GPAM: variants seen among roughly 807,000 people sequenced by gnomAD.
GPAM encodes the protein glycerol-3-phosphate acyltransferase, mitochondrial.
GPAM carries 56 observed loss-of-function variants against 105.0 expected under a neutral mutation model. The observed-to-expected ratio is 0.53, with a 90% confidence interval of 0.43 to 0.67. GPAM has a LOEUF of 0.67. Among genes scored for constraint, GPAM ranks in the 30% least tolerant of loss-of-function variants. The pLI is 0.00. For synonymous variants in GPAM, 368 were observed against 354.4 expected, an observed-to-expected ratio of 1.04 and a Z score of -0.43; for missense variants, 855 against 989.8, an observed-to-expected ratio of 0.86 and a Z score of 1.83.
At chr10:112,191,550 A>AT (rs1847658865) in intron 1 of GPAM, among the ~76,000 whole-genome samples, 1 of 152,128 alleles carries the variant, frequency 6.6e-6, no homozygotes, top group African/African-American at 2.4e-5. Flanking sequence ...AATAAAAGGT[A>AT]TTTTTCCTTT....
At chr10:112,166,361 G>C (rs1168069522) in intron 12 of GPAM, 41 bp downstream of exon 12, 3 of 1,070,350 alleles carry the variant, frequency 2.8e-6, no homozygotes, top group Admixed American at 1.7e-5. Flanking sequence ...CCTGACTCCA[G>C]GTAGATGCTT....
chr10:112,208,788 A>G (rs894283008), intron 1 of GPAM, among the ~76,000 whole-genome samples: 2 of 152,242 alleles, frequency 1.3e-5, no homozygotes, highest in African/African-American at 4.8e-5. Context: ...TAACCCCATC[A>G]TTTGATAAAA....
chr10:112,162,699 T>C (rs898381485), intron 14 of GPAM, among the ~76,000 whole-genome samples: 1 of 152,114 alleles, frequency 6.6e-6, no homozygotes, highest in Admixed American at 6.5e-5. Flanking sequence ...AATATGAATA[T>C]TGTGTTATAA....
intron 1 of GPAM, among the ~76,000 whole-genome samples, chr10:112,207,773 C>G (rs377247897): frequency 6.6e-6 from 1 of 152,176 alleles, no homozygotes; most frequent in Non-Finnish European, 1.5e-5. Flanking sequence ...ACCAATATCA[C>G]GCTCAAGATA....
chr10:112,150,697 T>A lies in GPAM; in HGVS notation c.*2853A>T. ...GGTTAGACAGTTTTTCACTACCGGA[T>A]GCCAAGCCCTTACTGCGCTAAAGTG... is the stretch of plus-strand genomic sequence containing the variant. On this transcript the variant is annotated 3_prime_UTR_variant, in exon 22 of 22. Transcript: ENST00000348367. 11 of 950,146 alleles carry A rather than the reference T, an allele frequency of 1.2e-5. No homozygotes were observed. The highest frequency in any genetic ancestry group is 1.4e-5 in the Non-Finnish European group (11 of 797,822). 58.9% of individuals were successfully genotyped at this position (950,146 alleles called of 1,614,324 possible). A position where few individuals can be genotyped will look rare whatever the true frequency, so the allele number is the denominator to read the frequency against.
At chr10:112,187,421 TATC>T (rs1446809672), upstream of GPAM, among the ~76,000 whole-genome samples, 3 of 152,182 alleles carry the variant, frequency 2.0e-5, no homozygotes, top group Admixed American at 6.5e-5. Flanking sequence ...GGTATATTAA[TATC>T]ATATAATTTC....
intron 9 of GPAM, among the ~76,000 whole-genome samples, chr10:112,169,930 G>A (rs1315169351): frequency 6.6e-6 from 1 of 152,176 alleles, no homozygotes; most frequent in Non-Finnish European, 1.5e-5. Context: ...AGGGATCTAG[G>A]TTGTGCATTC....
Position 112,183,143 on chromosome 10 carries a change from T to G in GPAM, c.-127-252A>C, listed in dbSNP as rs558748462. 7.9e-5 allele frequency among the ~76,000 whole-genome samples: 12 copies of G among 152,326 alleles called. No homozygotes were observed. The South Asian group carries it at 2.3e-3, about 29-fold the overall frequency. On this transcript the variant is annotated intron_variant, in intron 1 of 21. Transcript: ENST00000348367. Reference sequence around the variant, plus strand: ...TTCCACTGCTTACCATCTGTGTGATTTTTTATTACCATAAGTTGGTTAACT... The same window carrying G: ...TTCCACTGCTTACCATCTGTGTGATGTTTTATTACCATAAGTTGGTTAACT...
chr10:112,188,582 T>C (rs563521936), upstream of GPAM, among the ~76,000 whole-genome samples: 3 of 152,310 alleles, frequency 2.0e-5, no homozygotes, highest in Admixed American at 6.5e-5. Context: ...TCTGAAAATA[T>C]AATGAATTGT....
intron 1 of GPAM, among the ~76,000 whole-genome samples, chr10:112,203,347 T>A (rs1296605859): frequency 6.6e-6 from 1 of 152,212 alleles, no homozygotes; most frequent in Admixed American, 6.5e-5. Flanking sequence ...TTCTCCTTAA[T>A]TTTTGTGTAA....
At chr10:112,204,252 TTC>T (rs1182752758) in intron 1 of GPAM, among the ~76,000 whole-genome samples, 7 of 140,334 alleles carry the variant, frequency 5.0e-5, no homozygotes, top group African/African-American at 2.1e-4. Context: ...TTTTTCTTTG[TTC>T]TTTTTTTTTT....
Position 112,173,058 on chromosome 10 carries a change from C to G in GPAM, c.569G>C (p.Gly190Ala). Reference sequence around the variant, plus strand: ...GTTGAACAGTTTTAGCAGCACCCACCCAGTCAGTCTGAAACAAAGTACAAA... The same window carrying G: ...GTTGAACAGTTTTAGCAGCACCCACGCAGTCAGTCTGAAACAAAGTACAAA... ...TVSPAMIRLT[G>A]WVLLKLFNSF... Residue 190 changes from glycine (G) to alanine (A), a missense_variant, in exon 8 of 22, where the codon GGG becomes GCG. Physicochemically the swap from Gly to Ala is moderately conservative, Grantham distance 60. Coordinates refer to ENST00000348367, the MANE Select transcript of GPAM (RefSeq NM_001244949.2). The G allele has an allele frequency of 6.3e-7, 1 of 1,588,636 alleles. No individual in the cohort carries two copies. The highest frequency in any genetic ancestry group is 8.6e-7 in the Non-Finnish European group (1 of 1,156,884).
In GPAM at chr10:112,151,684, G is replaced by A. The variant is rs1047612065; in HGVS notation, c.*1866C>T. 6.7e-5 allele frequency: 66 copies of A among 985,086 alleles called. No individual in the cohort carries two copies. The highest frequency in any genetic ancestry group is 7.0e-5 in the Non-Finnish European group (58 of 829,772). 61.0% of individuals were successfully genotyped at this position (985,086 alleles called of 1,614,324 possible). ...CAGGGCAGAGTGTCGACTGGGAAGC[G>A]AGTCCCAATCTTGAATAATGGTGAG... On this transcript the variant is annotated 3_prime_UTR_variant, in exon 22 of 22. Transcript: ENST00000348367.
intron 1 of GPAM, among the ~76,000 whole-genome samples, chr10:112,213,407 A>G (rs751119536): frequency 1.9e-4 from 29 of 152,094 alleles, no homozygotes; most frequent in Non-Finnish European, 3.8e-4. Flanking sequence ...CCCTTAGAAG[A>G]GTGTTGGGTA....
At chr10:112,207,325 A>T (rs1209231564) in intron 1 of GPAM, among the ~76,000 whole-genome samples, 4 of 152,220 alleles carry the variant, frequency 2.6e-5, no homozygotes, top group Non-Finnish European at 4.4e-5. Context: ...TCTACAGATA[A>T]GGACACCCAA....
chr10:112,175,705 C>G lies in GPAM; in HGVS notation c.308G>C (p.Gly103Ala). 6.2e-7 allele frequency: 1 copy of G among 1,604,710 alleles called. No homozygotes were observed. Among genetic ancestry groups the G allele is most frequent in the Admixed American group, 1.7e-5 (1 of 60,000 alleles). The stretch of plus-strand genomic sequence containing the variant: ...GTAAGAAAGGCGTCTTGCAAGCCAT[C>G]CGCGGTGTCTGTGAAAATGATTTAG... ...YINETHTRHR[G>A]WLARRLSYVL... is the part of the protein sequence containing the mutation. Residue 103 changes from glycine to alanine, a missense_variant, in exon 6 of 22, where the codon GGA (glycine) becomes GCA (alanine). Physicochemically the swap from Gly to Ala is moderately conservative, Grantham distance 60. Coordinates refer to ENST00000348367, the MANE Select transcript of GPAM (RefSeq NM_001244949.2).
chr10:112,224,930 T>A, the GPAM span, among the ~76,000 whole-genome samples: 1 of 152,090 alleles, frequency 6.6e-6, no homozygotes, highest in African/African-American at 2.4e-5. Context: ...ACAACAATAA[T>A]CCCAGACCAG....
the GPAM span, among the ~76,000 whole-genome samples, chr10:112,224,185 G>A: frequency 6.6e-6 from 1 of 152,118 alleles, no homozygotes; most frequent in African/African-American, 2.4e-5. Context: ...GTTTTGAAAA[G>A]TATAAAGTAT....
the GPAM span, among the ~76,000 whole-genome samples, chr10:112,226,953 G>A: frequency 1.3e-5 from 2 of 152,092 alleles, no homozygotes; most frequent in African/African-American, 4.8e-5. Context: ...TGTTCCAAAG[G>A]CCACGAGGGG....
Sources: gnomAD v4.1 joint callset for allele counts (sites outside exome capture counted in the v4.1 genomes callset) on GRCh38, gnomAD v4.1.1 for gene constraint, MANE v1.5 for transcripts, NCBI Gene and HGNC (gene_info 2026-07-23, HGNC 2026-07-21) for gene names.